RNF40: variants seen among roughly 807,000 people sequenced by gnomAD.
RNF40 encodes the protein ring finger protein 40.
In RNF40, 39 loss-of-function variants were observed where a neutral mutation model predicts 123.3. The observed-to-expected ratio is 0.32, with a 90% CI of 0.24 to 0.41. The LOEUF (loss-of-function observed/expected upper bound fraction) is 0.41, where lower values mean the gene tolerates loss of function less well. Ranked by LOEUF, RNF40 falls within the 10% of genes least tolerant of loss-of-function variation. The pLI is 1.00. For synonymous variants in RNF40, 538 were observed against 526.0 expected (o/e 1.02, Z -0.31); for missense variants, 1,003 against 1,319.9 (o/e 0.76, Z 3.72).
intron 2 of RNF40, 30 bp downstream of exon 2, chr16:30,762,707 A>C: frequency 1.2e-6 from 2 of 1,607,232 alleles, no homozygotes; most frequent in Non-Finnish European, 1.7e-6. Context: ...AACCCTCAGA[A>C]CTTCCCAGAG....
intron 2 of RNF40, 80 bp downstream of exon 2, chr16:30,762,757 C>A (rs1255854365): frequency 1.9e-6 from 3 of 1,546,816 alleles, no homozygotes; most frequent in East Asian, 2.2e-5. Context: ...CGGAATCTTA[C>A]ACCCACTTCC....
chr16:30,770,491 C>G (rs547784804), intron 17 of RNF40, among the ~76,000 whole-genome samples: 1 of 152,238 alleles, frequency 6.6e-6, no homozygotes, highest in South Asian at 2.1e-4. Context: ...GGGAGTGGCC[C>G]TAATATTTGG....
In RNF40 at chr16:30,764,867, G is replaced by A. The variant is rs1011219000; in HGVS notation, c.650-71G>A. The A allele has an allele frequency of 1.5e-5, 23 of 1,556,396 alleles. No individual in the cohort carries two copies. In the East Asian group the frequency reaches 4.3e-4, roughly 29 times the overall value. On this transcript the variant is annotated intron_variant, in intron 5 of 19. Coordinates refer to ENST00000324685, the MANE Select transcript of RNF40 (RefSeq NM_014771.4). ...GGTGGATCACACTGGGTATATAGCA[G>A]ACTCCAGAATGAGTTAGTTGTTTGC...
At chr16:30,765,564 CTCAGGACA>C in intron 8 of RNF40, 65 bp downstream of exon 8, 1 of 1,456,960 alleles carries the variant, frequency 6.9e-7, no homozygotes, top group East Asian at 2.3e-5. Flanking sequence ...TGAAATTCCC[CTCAGGACA>C]AAGGACAAAC....
rs189434372 is a variant in RNF40 at position 30,774,819 on chromosome 16, T to A, written c.*705T>A. On this transcript the variant is annotated 3_prime_UTR_variant, in exon 20 of 20. Transcript: ENST00000324685. Reference sequence around the variant, plus strand: ...GGCCCCTTCCCAATCTCCATTTCTCTGCCAAGCCCATTTACCCCCACCTCA... The same window carrying A: ...GGCCCCTTCCCAATCTCCATTTCTCAGCCAAGCCCATTTACCCCCACCTCA... 8.9e-5 allele frequency: 33 copies of A among 370,100 alleles called. No homozygotes were observed. The highest frequency in any genetic ancestry group is 7.6e-4 in the Middle Eastern group (2 of 2,646). 22.9% of individuals were successfully genotyped at this position (370,100 alleles called of 1,614,324 possible). A position where few individuals can be genotyped will look rare whatever the true frequency, so the allele number is the denominator to read the frequency against.
chr16:30,761,771 A>G (rs2151322410), upstream of RNF40: 6 of 1,506,248 alleles, frequency 4.0e-6, no homozygotes, highest in Non-Finnish European at 5.3e-6. Flanking sequence ...CCGTGCCGCG[A>G]GGCGCCCCGG....
In RNF40 at chr16:30,766,468, G is replaced by A. The variant is rs767662690; in HGVS notation, c.1203G>A (p.Glu401=). 5.0e-6 allele frequency: 8 copies of A among 1,613,954 alleles called. No individual in the cohort carries two copies. The highest frequency in any genetic ancestry group is 2.2e-5 in the South Asian group (2 of 91,082). ...LQAQFSLLYN[E]SLQVKTQLDE... ...CCCAATTCTCACTGCTCTACAACGAGTCTCTGCAAGTGAAGACCCAGCTAG... is the reference window on the plus strand; with the variant it reads ...CCCAATTCTCACTGCTCTACAACGAATCTCTGCAAGTGAAGACCCAGCTAG... The change falls in exon 10 of 20, where the codon GAG becomes GAA. Residue 401 remains glutamate (E), a synonymous_variant. Coordinates refer to ENST00000324685, the MANE Select transcript of RNF40 (RefSeq NM_014771.4). The surrounding 1 kb of genome is among the most constrained non-coding windows in gnomAD (Gnocchi z 5.4).
At chr16:30,770,388 C>T (rs2054127260) in intron 17 of RNF40, among the ~76,000 whole-genome samples, 2 of 151,854 alleles carry the variant, frequency 1.3e-5, no homozygotes. Flanking sequence ...GGGGTTACAG[C>T]GTGAGCCACT....
chr16:30,773,939 C>T lies in RNF40; in HGVS notation c.2831C>T (p.Ala944Val), dbSNP rs370853213. Residue 944 changes from alanine (A) to valine (V), a missense_variant and splice_region_variant, in exon 20 of 20, where the codon GCG (alanine) becomes GTG (valine). Physicochemically the swap from Ala to Val is moderately conservative, Grantham distance 64. Around this residue, in one of 11 missense-constraint regions of RNF40, gnomAD observed 76 missense variants for 134.1 expected, o/e 0.57. Transcript: ENST00000324685. ...AGCTGATGCCTTTGCCTGGCCCAGGCGCGGTTGACCTGCCCCTGCTGTAAC... is the reference window on the plus strand; with the variant it reads ...AGCTGATGCCTTTGCCTGGCCCAGGTGCGGTTGACCTGCCCCTGCTGTAAC... ...ILQEEIKEYKARLTCPCCNTR... is the reference protein window; with the variant it reads ...ILQEEIKEYKVRLTCPCCNTR... 22 of 1,610,276 alleles carry T rather than the reference C, an allele frequency of 1.4e-5. No homozygotes were observed. The highest frequency in any genetic ancestry group is 9.9e-5 in the South Asian group (9 of 90,838).
intron 5 of RNF40, 130 bp downstream of exon 5, chr16:30,764,515 T>C: frequency 1.3e-6 from 1 of 795,442 alleles, no homozygotes; most frequent in Non-Finnish European, 2.0e-6. Context: ...TCAGCCATGT[T>C]CTTGGAAGAG....
rs1220359355 is a variant in RNF40 at position 30,772,345 on chromosome 16, A to G, written c.2829+155A>G. 2.1e-5 allele frequency: 15 copies of G among 725,510 alleles called. No homozygotes were observed. In the East Asian group the frequency reaches 4.0e-4, roughly 20 times the overall value. 44.9% of individuals were successfully genotyped at this position (725,510 alleles called of 1,614,324 possible). A position where few individuals can be genotyped will look rare whatever the true frequency, so the allele number is the denominator to read the frequency against. On this transcript the variant is annotated intron_variant, in intron 19 of 19. Coordinates refer to ENST00000324685, the MANE Select transcript of RNF40 (RefSeq NM_014771.4). ...CAGAGTCAAATGCTGTTTGCTGTAC[A>G]TGTACTGTGAGCCAGGCACAGTGCT...
At position 30,766,941 on chromosome 16, in the gene RNF40, T is replaced by C. The variant is rs926034832; in HGVS notation, c.1429+65T>C. Reference sequence around the variant, plus strand: ...GGAGTGCTGGGCCCTGGTGTGGGGCTGCTGCTTATCCAGATGCAAGAGGCT... The same window carrying C: ...GGAGTGCTGGGCCCTGGTGTGGGGCCGCTGCTTATCCAGATGCAAGAGGCT... On this transcript the variant is annotated intron_variant, in intron 11 of 19. Coordinates refer to ENST00000324685, the MANE Select transcript of RNF40 (RefSeq NM_014771.4). The surrounding 1 kb of genome is among the most constrained non-coding windows in gnomAD (Gnocchi z 5.4). The C allele has an allele frequency of 2.5e-5, 40 of 1,575,628 alleles. No individual in the cohort carries two copies. Among genetic ancestry groups the C allele is most frequent in the Middle Eastern group, 4.6e-4 (2 of 4,388 alleles).
At chr16:30,764,501 T>A in intron 5 of RNF40, 116 bp downstream of exon 5, 1 of 874,810 alleles carries the variant, frequency 1.1e-6, no homozygotes, top group Non-Finnish European at 1.7e-6. Flanking sequence ...TCCCAAGGAA[T>A]AAATCAGCCA....
In RNF40 at chr16:30,774,908, A is replaced by G; in HGVS notation, c.*794A>G. ...TGCTTTCATCCTGGTGGCCTTAACT[A>G]CAGTGGAGGTGGAACTTCCCAGGAG... On this transcript the variant is annotated 3_prime_UTR_variant, in exon 20 of 20. Transcript: ENST00000324685. 1 of 455,798 alleles carries G rather than the reference A, an allele frequency of 2.2e-6. No homozygotes were observed. Among genetic ancestry groups the G allele is most frequent in the Non-Finnish European group, 4.4e-6 (1 of 226,366 alleles). 28.2% of individuals were successfully genotyped at this position (455,798 alleles called of 1,614,324 possible).
At chr16:30,772,321 A>G (rs1421851809) in intron 19 of RNF40, 131 bp downstream of exon 19, 5 of 772,546 alleles carry the variant, frequency 6.5e-6, no homozygotes, top group Non-Finnish European at 1.1e-5. Context: ...CAGTGGTCAC[A>G]GAGTCAAATG....
intron 2 of RNF40, 98 bp from the exon 3 acceptor site, chr16:30,763,019 TC>T: frequency 7.6e-7 from 1 of 1,318,552 alleles, no homozygotes. Flanking sequence ...TACCTCCATC[TC>T]CCATGCATTG....
Position 30,773,994 on chromosome 16 carries a change from G to C in RNF40, c.2886G>C (p.Lys962Asn). 1 of 1,614,104 alleles carries C rather than the reference G, an allele frequency of 6.2e-7. No individual in the cohort carries two copies. Among genetic ancestry groups the C allele is most frequent in the Non-Finnish European group, 8.5e-7 (1 of 1,179,922 alleles). Residue 962 changes from lysine to asparagine, a missense_variant, in exon 20 of 20, where the codon AAG (lysine) becomes AAC (asparagine). By Grantham distance (94) the Lys-to-Asn change is moderately conservative. Transcript: ENST00000324685. ...GCAAGAAGGATGCAGTCCTTACCAA[G>C]TGCTTCCACGTTTTCTGCTTCGAGT... ...NTRKKDAVLT[K>N]CFHVFCFECV...
At chr16:30,769,682 C>A in intron 17 of RNF40, 82 bp downstream of exon 17, 3 of 1,421,704 alleles carry the variant, frequency 2.1e-6, no homozygotes, top group Admixed American at 5.5e-5. Flanking sequence ...GCACCCGATG[C>A]AATAGCCTGA....
Position 30,766,186 on chromosome 16 carries a change from A to G in RNF40, c.1017A>G (p.Leu339=), listed in dbSNP as rs1336673295. ...AGTTTGAGATGCTGAATGCAGAGTT[A>G]GAGGAAAACCAGGAACTGGCCAACA... ...MQKFEMLNAE[L]EENQELANSR... is the part of the protein sequence containing the mutation. Residue 339 remains leucine (L), a synonymous_variant, in exon 9 of 20, where the codon TTA becomes TTG. Coordinates refer to ENST00000324685, the MANE Select transcript of RNF40 (RefSeq NM_014771.4). The surrounding 1 kb of genome is among the most constrained non-coding windows in gnomAD (Gnocchi z 5.4). The G allele has an allele frequency of 3.0e-5, 48 of 1,614,030 alleles. 2 individuals carry two copies. The Admixed American group carries it at 8.0e-4, about 27-fold the overall frequency.
Sources: gnomAD v4.1 joint callset for allele counts (sites outside exome capture counted in the v4.1 genomes callset) on GRCh38, gnomAD v4.1.1 for gene constraint, gnomAD v4.1.1 regional missense constraint, Gnocchi (gnomAD v3.1) non-coding constraint, MANE v1.5 for transcripts, NCBI Gene and HGNC (gene_info 2026-07-23, HGNC 2026-07-21) for gene names.